The following GLIPR1L2 variants were observed in gnomAD, a reference collection of about 807,000 sequenced individuals.
GLIPR1L2 encodes the protein GLIPR1 like 2.
A neutral mutation model predicts 28.4 loss-of-function variants in GLIPR1L2; 21 were observed. That is an observed-to-expected ratio of 0.74 (90% confidence interval 0.52 to 1.06). The LOEUF is 1.06. GLIPR1L2 is among the 50% of genes least tolerant of loss of function. The pLI is 0.00. For missense variants in GLIPR1L2, 476 were observed against 416.9 expected (o/e 1.14, Z -1.23); for synonymous variants, 145 against 139.3 (o/e 1.04, Z -0.29).
chr12:75,401,230 T>C (rs1258745714), intron 1 of GLIPR1L2, among the ~76,000 whole-genome samples: 1 of 151,614 alleles, frequency 6.6e-6, no homozygotes, highest in Non-Finnish European at 1.5e-5. Context: ...TTAATTTCTT[T>C]ATCAATAATT....
Position 75,410,679 on chromosome 12 carries a change from G to T in GLIPR1L2, c.480G>T (p.Gln160His). 6.4e-7 allele frequency: 1 copy of T among 1,573,010 alleles called. No homozygotes were observed. The highest frequency in any genetic ancestry group is 8.6e-7 in the Non-Finnish European group (1 of 1,158,054). ...CTGGAGACTGTTCTAATTATATTCAGGTATGTAATTTTTATTTTGTTATTA... is the reference window on the plus strand; with the variant it reads ...CTGGAGACTGTTCTAATTATATTCATGTATGTAATTTTTATTTTGTTATTA... ...SCSGDCSNYI[Q>H]LVWDHSYKVG... Residue 160 changes from glutamine (Q) to histidine (H), a missense_variant and splice_region_variant, in exon 2 of 6, where the codon CAG (glutamine) becomes CAT (histidine). Coordinates refer to ENST00000550916, the MANE Select transcript of GLIPR1L2 (RefSeq NM_001270396.2).
chr12:75,424,386 G>T (rs894301328), intron 4 of GLIPR1L2, among the ~76,000 whole-genome samples: 12 of 152,074 alleles, frequency 7.9e-5, no homozygotes, highest in African/African-American at 2.9e-4. Flanking sequence ...GTCTGTTCAT[G>T]TCCTTTGCCC....
chr12:75,430,615 A>G (rs999120346), intron 4 of GLIPR1L2, 100 bp from the exon 5 acceptor site: 24 of 1,103,628 alleles, frequency 2.2e-5, no homozygotes, highest in Non-Finnish European at 3.1e-5. Flanking sequence ...ATAATGCCTG[A>G]GAACTAGGAG....
chr12:75,430,325 G>A (rs2046078782), intron 4 of GLIPR1L2, among the ~76,000 whole-genome samples: 1 of 152,178 alleles, frequency 6.6e-6, no homozygotes, highest in South Asian at 2.1e-4. Flanking sequence ...TGAGGAAAGT[G>A]AATAGATTTC....
At chr12:75,403,153 C>G (rs989872356) in intron 1 of GLIPR1L2, 3 of 456,634 alleles carry the variant, frequency 6.6e-6, no homozygotes, top group African/African-American at 6.0e-5. Context: ...ATTGGTGAGT[C>G]TGACTCCTGA....
At chr12:75,401,583 C>T (rs991713792) in intron 1 of GLIPR1L2, among the ~76,000 whole-genome samples, 1 of 151,848 alleles carries the variant, frequency 6.6e-6, no homozygotes, top group African/African-American at 2.4e-5. Flanking sequence ...AACAAATAAT[C>T]CTGTCAATAA....
chr12:75,429,361 T>C (rs2139969870), intron 4 of GLIPR1L2, among the ~76,000 whole-genome samples: 1 of 152,356 alleles, frequency 6.6e-6, no homozygotes, highest in South Asian at 2.1e-4. Flanking sequence ...CCCCTTTGTT[T>C]TGGCCAATTT....
intron 4 of GLIPR1L2, among the ~76,000 whole-genome samples, chr12:75,427,565 A>G (rs905311232): frequency 5.9e-5 from 9 of 152,290 alleles, no homozygotes; most frequent in Middle Eastern, 3.4e-3. Flanking sequence ...TGGGTTCTCT[A>G]CGTGAGAACT....
chr12:75,402,984 A>G, intron 1 of GLIPR1L2: 1 of 456,848 alleles, frequency 2.2e-6, no homozygotes, highest in Non-Finnish European at 4.4e-6. Context: ...CCACTTTGTT[A>G]ACAAGTGTCA....
chr12:75,413,495 G>C, intron 2 of GLIPR1L2, 103 bp from the exon 3 acceptor site: 1 of 664,416 alleles, frequency 1.5e-6, no homozygotes, highest in Non-Finnish European at 2.6e-6. Flanking sequence ...TTCTTGAATT[G>C]CTTGGTGAAA....
In GLIPR1L2 at chr12:75,410,684, GTAATTT is replaced by G. The variant is rs1566070564; in HGVS notation, c.480+7_480+12del. The G allele has an allele frequency of 6.4e-7, 1 of 1,569,670 alleles. No homozygotes were observed. Among genetic ancestry groups the G allele is most frequent in the South Asian group, 1.2e-5 (1 of 84,812 alleles). ...GACTGTTCTAATTATATTCAGGTATGTAATTTTTATTTTGTTATTAATTCAAACACT... is the reference window on the plus strand; with the variant it reads ...GACTGTTCTAATTATATTCAGGTATGTTATTTTGTTATTAATTCAAACACT... On this transcript the variant is annotated splice_donor_region_variant and intron_variant, in intron 2 of 5. Coordinates refer to ENST00000550916, the MANE Select transcript of GLIPR1L2 (RefSeq NM_001270396.2).
rs141834127 is a variant in GLIPR1L2 at position 75,398,222 on chromosome 12, C to A, written c.234+6872C>A. The stretch of plus-strand genomic sequence containing the variant: ...CAGGCGCCTGTAATCCTAGCTACTC[C>A]GAAGGCTGAGGCAGGAGAATCGCTT... On this transcript the variant is annotated intron_variant, in intron 1 of 5. Coordinates refer to ENST00000550916, the MANE Select transcript of GLIPR1L2 (RefSeq NM_001270396.2). Among the ~76,000 whole-genome samples the A allele has an allele frequency of 1.4e-3, 214 of 147,684 alleles. 1 individual carries two copies. Among genetic ancestry groups the A allele is most frequent in the African/African-American group, 5.0e-3 (199 of 39,828 alleles).
At chr12:75,420,307 G>C (rs1028969512) in intron 3 of GLIPR1L2, among the ~76,000 whole-genome samples, 3 of 152,214 alleles carry the variant, frequency 2.0e-5, no homozygotes, top group African/African-American at 7.2e-5. Context: ...TACGAGTCTA[G>C]TGTAGGCAAA....
intron 3 of GLIPR1L2, among the ~76,000 whole-genome samples, chr12:75,414,546 T>C (rs1019901024): frequency 6.6e-6 from 1 of 152,036 alleles, no homozygotes; most frequent in Non-Finnish European, 1.5e-5. Context: ...ATGCTGTGCA[T>C]CAAATTAAAC....
At chr12:75,426,712 G>A (rs1283439430) in intron 4 of GLIPR1L2, among the ~76,000 whole-genome samples, 1 of 152,232 alleles carries the variant, frequency 6.6e-6, no homozygotes, top group East Asian at 1.9e-4. Flanking sequence ...GGAAAATTCA[G>A]TCTGGCTTCA....
intron 1 of GLIPR1L2, among the ~76,000 whole-genome samples, chr12:75,408,859 G>A (rs1336631721): frequency 1.3e-5 from 2 of 152,070 alleles, no homozygotes; most frequent in African/African-American, 2.4e-5. Flanking sequence ...GTATATGTTT[G>A]TAGATACAGA....
intron 1 of GLIPR1L2, among the ~76,000 whole-genome samples, chr12:75,395,037 T>C (rs1040179208): frequency 6.6e-6 from 1 of 152,004 alleles, no homozygotes; most frequent in African/African-American, 2.4e-5. Flanking sequence ...CCCTTTCAGA[T>C]TGTTTATTAT....
Position 75,431,305 on chromosome 12 carries a change from C to A in GLIPR1L2, c.*144C>A. On this transcript the variant is annotated 3_prime_UTR_variant, in exon 6 of 6. Coordinates refer to ENST00000550916, the MANE Select transcript of GLIPR1L2 (RefSeq NM_001270396.2). ...ACCACCATTGGAATGTTTTTTATTCCCTTCTCTCCTATACTTATTCAATCA... is the reference window on the plus strand; with the variant it reads ...ACCACCATTGGAATGTTTTTTATTCACTTCTCTCCTATACTTATTCAATCA... The A allele has an allele frequency of 1.7e-6, 1 of 578,294 alleles. No individual in the cohort carries two copies. Among genetic ancestry groups the A allele is most frequent in the East Asian group, 2.8e-5 (1 of 35,912 alleles). The allele number at this position is 578,294 out of a possible 1,614,324, so 35.8% of individuals were successfully genotyped here. A position where few individuals can be genotyped will look rare whatever the true frequency, so the allele number is the denominator to read the frequency against.
At chr12:75,416,418 A>G (rs1042363144) in intron 3 of GLIPR1L2, among the ~76,000 whole-genome samples, 1 of 152,050 alleles carries the variant, frequency 6.6e-6, no homozygotes, top group Non-Finnish European at 1.5e-5. Flanking sequence ...TATGGAGACA[A>G]TTTAAGAACT....
Sources: allele counts gnomAD v4.1 joint callset (sites outside exome capture counted in the v4.1 genomes callset), GRCh38; gene constraint gnomAD v4.1.1; transcripts MANE v1.5; gene names NCBI Gene and HGNC (gene_info 2026-07-23, HGNC 2026-07-21).